ENPP2: variants seen among roughly 807,000 people sequenced by gnomAD.
ENPP2 encodes the protein ectonucleotide pyrophosphatase/phosphodiesterase 2, also known as autotaxin.
In ENPP2, 51 loss-of-function variants were observed where a neutral mutation model predicts 120.2. That is an observed-to-expected ratio of 0.42 (90% confidence interval 0.34 to 0.54). The LOEUF (loss-of-function observed/expected upper bound fraction) is 0.54. ENPP2 is among the 20% of genes least tolerant of loss of function. The probability of loss-of-function intolerance (pLI) is 0.04; values close to 1 mark genes in which losing one functional copy is unlikely to be tolerated. For synonymous variants in ENPP2, 365 were observed against 366.4 expected, an observed-to-expected ratio of 1.00 and a Z score of 0.04; for missense variants, 920 against 1,066.5, an observed-to-expected ratio of 0.86 and a Z score of 1.91.
chr8:119,557,773 A>G, intron 24 of ENPP2, 82 bp from the exon 25 acceptor site: 1 of 1,238,594 alleles, frequency 8.1e-7, no homozygotes, highest in Non-Finnish European at 1.1e-6. Context: ...CAAGTCCACA[A>G]ATGACCTCTG....
chr8:119,572,261 A>T, intron 19 of ENPP2: 1 of 1,544,236 alleles, frequency 6.5e-7, no homozygotes, highest in Non-Finnish European at 8.8e-7. Context: ...CTGGAAGCAG[A>T]AGTATCAAAA....
intron 11 of ENPP2, among the ~76,000 whole-genome samples, chr8:119,595,243 A>G (rs1813803604): frequency 6.6e-6 from 1 of 152,244 alleles, no homozygotes; most frequent in South Asian, 2.1e-4. Flanking sequence ...CACAAATAAG[A>G]TACTGCCTCA....
intron 5 of ENPP2, 77 bp from the exon 6 acceptor site, chr8:119,617,640 G>A (rs1178858319): frequency 9.9e-7 from 1 of 1,009,384 alleles, no homozygotes; most frequent in Non-Finnish European, 1.5e-6. Flanking sequence ...CTCAATAATG[G>A]GAGCAATAAT....
At chr8:119,614,903 A>T (rs1387914541) in intron 8 of ENPP2, among the ~76,000 whole-genome samples, 1 of 152,154 alleles carries the variant, frequency 6.6e-6, no homozygotes, top group East Asian at 1.9e-4. Flanking sequence ...AGCCTGAATA[A>T]AGACAGCAGA....
chr8:119,633,867 T>G (rs963598494), intron 2 of ENPP2, among the ~76,000 whole-genome samples: 4 of 151,928 alleles, frequency 2.6e-5, no homozygotes, highest in Non-Finnish European at 4.4e-5. Flanking sequence ...TTTAAACACC[T>G]GTGCTTTCAA....
intron 1 of ENPP2, among the ~76,000 whole-genome samples, chr8:119,671,132 C>CAAAAAA (rs371191607): frequency 8.7e-6 from 1 of 115,222 alleles, no homozygotes. Flanking sequence ...ACTAAAAATA[C>CAAAAAA]AAAAAAAAAA....
chr8:119,669,553 T>G (rs1024153981), intron 1 of ENPP2, among the ~76,000 whole-genome samples: 1 of 152,188 alleles, frequency 6.6e-6, no homozygotes, highest in African/African-American at 2.4e-5. Flanking sequence ...GCATGCCTAA[T>G]TTGACTTATG....
In ENPP2 at chr8:119,582,635, T is replaced by C. The variant is rs1302401116; in HGVS notation, c.1544-33A>G. On this transcript the variant is annotated intron_variant, in intron 17 of 24. Transcript: ENST00000075322. ...AAATTAAGAAAAGGAGGCAGGTGCT[T>C]CTTATATTTTTTTGATGAGATATGG... 2.0e-6 allele frequency: 3 copies of C among 1,500,200 alleles called. No homozygotes were observed. In the South Asian group the frequency reaches 3.4e-5, roughly 17 times the overall value. 92.9% of individuals were successfully genotyped at this position (1,500,200 alleles called of 1,614,324 possible).
intron 1 of ENPP2, among the ~76,000 whole-genome samples, chr8:119,666,533 C>G (rs555862508): frequency 3.2e-4 from 49 of 152,266 alleles, no homozygotes; most frequent in African/African-American, 1.0e-3. Flanking sequence ...GTTATCCTAG[C>G]ACTTTGGGAG....
chr8:119,593,429 T>C (rs1362752252), intron 12 of ENPP2, among the ~76,000 whole-genome samples: 1 of 152,146 alleles, frequency 6.6e-6, no homozygotes, highest in Admixed American at 6.6e-5. Context: ...TCACCTGATA[T>C]GTCACATTCA....
Position 119,583,814 on chromosome 8 carries a change from G to GAAAAGA in ENPP2, c.1456-16_1456-11dup. The GAAAAGA allele has an allele frequency of 6.4e-6, 10 of 1,561,976 alleles. No individual in the cohort carries two copies. Among genetic ancestry groups the GAAAAGA allele is most frequent in the Non-Finnish European group, 8.8e-6 (10 of 1,138,242 alleles). Reference sequence around the variant, plus strand: ...AACCTACAAAAACAGTCTTCCAAAAGAAAAGAAAAACAAAAACAGTTAAGC... The same window carrying GAAAAGA: ...AACCTACAAAAACAGTCTTCCAAAAGAAAAGAAAAAGAAAAACAAAAACAGTTAAGC... On this transcript the variant is annotated splice_polypyrimidine_tract_variant and intron_variant, in intron 16 of 24. Coordinates refer to ENST00000075322, the MANE Select transcript of ENPP2 (RefSeq NM_001040092.3).
chr8:119,587,171 TCCC>T (rs1490823600), intron 13 of ENPP2, 96 bp from the exon 14 acceptor site: 4 of 983,936 alleles, frequency 4.1e-6, no homozygotes, highest in Non-Finnish European at 6.3e-6. Flanking sequence ...TCTCCTTCCA[TCCC>T]ACAGAAGACT....
At chr8:119,609,124 T>C (rs2130643044) in intron 8 of ENPP2, among the ~76,000 whole-genome samples, 1 of 152,334 alleles carries the variant, frequency 6.6e-6, no homozygotes, top group East Asian at 1.9e-4. Context: ...AGTGACAACT[T>C]ATTTTTTGAG....
chr8:119,621,252 A>G (rs1815872732), intron 4 of ENPP2, 142 bp downstream of exon 4: 4 of 662,878 alleles, frequency 6.0e-6, no homozygotes, highest in Non-Finnish European at 7.7e-6. Flanking sequence ...CTAATGAAGA[A>G]GCATGAGAAA....
chr8:119,652,244 A>G (rs1023388187), intron 1 of ENPP2, among the ~76,000 whole-genome samples: 17 of 152,108 alleles, frequency 1.1e-4, no homozygotes, highest in African/African-American at 3.9e-4. Context: ...TGACCCATTC[A>G]TGAAGCCTCT....
intron 3 of ENPP2, among the ~76,000 whole-genome samples, chr8:119,622,305 C>T (rs182480884): frequency 1.2e-4 from 18 of 152,232 alleles, no homozygotes; most frequent in Non-Finnish European, 8.8e-5. Context: ...TCTATCTGCA[C>T]CTGGAGGTTA....
intron 18 of ENPP2, chr8:119,580,389 T>G (rs917560545): frequency 1.8e-6 from 1 of 567,904 alleles, no homozygotes; most frequent in Non-Finnish European, 3.1e-6. Context: ...CTTCAATCTC[T>G]GTTTCCTTCC....
chr8:119,654,652 C>G (rs988768516), intron 1 of ENPP2, among the ~76,000 whole-genome samples: 4 of 151,782 alleles, frequency 2.6e-5, no homozygotes, highest in African/African-American at 9.7e-5. Flanking sequence ...GGCTCCCATG[C>G]ATGCTTTTTC....
intron 1 of ENPP2, among the ~76,000 whole-genome samples, chr8:119,651,997 A>T (rs796675548): frequency 3.9e-5 from 6 of 152,290 alleles, no homozygotes; most frequent in African/African-American, 1.4e-4. Context: ...TAATTGGGAG[A>T]TGGTAAAGTA....
Sources: allele counts gnomAD v4.1 joint callset (sites outside exome capture counted in the v4.1 genomes callset), GRCh38; gene constraint gnomAD v4.1.1; transcripts MANE v1.5; gene names NCBI Gene and HGNC (gene_info 2026-07-23, HGNC 2026-07-21).